ADGRV1: variants seen among roughly 807,000 people sequenced by gnomAD.
ADGRV1 encodes G-protein coupled receptor 98.
A neutral mutation model predicts 596.2 loss-of-function variants in ADGRV1; 359 were observed. The ratio of observed to expected loss-of-function variants is 0.60; its 90% CI spans 0.55 to 0.66. The LOEUF (loss-of-function observed/expected upper bound fraction) is 0.66. Ranked by LOEUF, ADGRV1 falls within the 30% of genes least tolerant of loss-of-function variation. The pLI, the probability that ADGRV1 is intolerant of heterozygous loss-of-function variation, is 0.00. For missense variants in ADGRV1, 7,274 were observed against 7,575.6 expected (o/e 0.96, Z 1.48); for synonymous variants, 2,681 against 2,679.2 (o/e 1.00, Z -0.02).
At chr5:90,837,078 G>A (rs1765029782) in intron 77 of ADGRV1, among the ~76,000 whole-genome samples, 1 of 152,210 alleles carries the variant, frequency 6.6e-6, no homozygotes, top group Admixed American at 6.5e-5. Flanking sequence ...GCATTCCCAT[G>A]TACGTAAGTA....
intron 21 of ADGRV1, among the ~76,000 whole-genome samples, chr5:90,668,948 TAA>T (rs1034509028): frequency 6.6e-5 from 10 of 152,348 alleles, no homozygotes; most frequent in African/African-American, 2.4e-4. Context: ...GATAAAAATT[TAA>T]GTTTGTAAAA....
chr5:90,787,679 G>A (rs1159087713), intron 67 of ADGRV1, among the ~76,000 whole-genome samples: 2 of 143,926 alleles, frequency 1.4e-5, no homozygotes, highest in Admixed American at 7.3e-5. Flanking sequence ...TGCAACCTCC[G>A]CCTCCCAGGT....
intron 83 of ADGRV1, among the ~76,000 whole-genome samples, chr5:90,898,028 T>C (rs997453760): frequency 6.6e-6 from 1 of 152,166 alleles, no homozygotes; most frequent in Admixed American, 6.5e-5. Flanking sequence ...AAAAGTAAGA[T>C]AGAGGTTTTC....
intron 83 of ADGRV1, among the ~76,000 whole-genome samples, chr5:90,892,574 T>C (rs910804347): frequency 6.6e-6 from 1 of 152,106 alleles, no homozygotes; most frequent in African/African-American, 2.4e-5. Flanking sequence ...CATATATGTA[T>C]ATATACATAC....
chr5:90,950,523 T>C (rs1776969979), intron 83 of ADGRV1, among the ~76,000 whole-genome samples: 1 of 152,158 alleles, frequency 6.6e-6, no homozygotes, highest in Non-Finnish European at 1.5e-5. Flanking sequence ...GATTTTGCCC[T>C]GTTGGTCAGG....
At chr5:90,879,096 T>C (rs188250411) in intron 83 of ADGRV1, among the ~76,000 whole-genome samples, 2 of 152,168 alleles carry the variant, frequency 1.3e-5, no homozygotes, top group East Asian at 1.9e-4. Flanking sequence ...GTTCTTCCAG[T>C]CTGCATGCAA....
intron 5 of ADGRV1, among the ~76,000 whole-genome samples, chr5:90,624,716 A>G (rs1764513530): frequency 6.6e-6 from 1 of 152,210 alleles, no homozygotes; most frequent in South Asian, 2.1e-4. Context: ...GAGATGCAGC[A>G]TAGAGTACTC....
intron 45 of ADGRV1, among the ~76,000 whole-genome samples, chr5:90,723,488 A>T (rs1751353958): frequency 6.6e-6 from 1 of 152,192 alleles, no homozygotes; most frequent in Admixed American, 6.5e-5. Flanking sequence ...TACTCATGAG[A>T]GCACATGTCG....
At chr5:90,648,159 T>C (rs1490387269) in intron 17 of ADGRV1, among the ~76,000 whole-genome samples, 2 of 152,176 alleles carry the variant, frequency 1.3e-5, no homozygotes, top group African/African-American at 4.8e-5. Context: ...CACACTTGAT[T>C]GGGAAGCTTA....
rs768262653 is a variant in ADGRV1, at chr5:90,840,878, C to T, written c.16912C>T (p.Pro5638Ser). The change falls in exon 78 of 90, where the codon CCT becomes TCT. Residue 5638 changes from proline to serine, a missense_variant. By Grantham distance (74) the Pro-to-Ser change is moderately conservative. Coordinates refer to ENST00000405460, the MANE Select transcript of ADGRV1 (RefSeq NM_032119.4). ...IWGLADQLHQ[P>S]VNDDILNRVL... ...GGGGCTTGCAGATCAGCTACATCAG[C>T]CTGTGAATGATGATATTCTCAACAG... 1.9e-6 allele frequency: 3 copies of T among 1,605,128 alleles called. No homozygotes were observed. The highest frequency in any genetic ancestry group is 2.6e-6 in the Non-Finnish European group (3 of 1,174,500).
At chr5:90,904,949 G>C (rs1266688862) in intron 83 of ADGRV1, among the ~76,000 whole-genome samples, 1 of 151,730 alleles carries the variant, frequency 6.6e-6, no homozygotes, top group African/African-American at 2.4e-5. Flanking sequence ...TCACTCTTTG[G>C]CATATGGATA....
At chr5:90,759,618 G>C in intron 58 of ADGRV1, 30 bp downstream of exon 58, 1 of 1,586,306 alleles carries the variant, frequency 6.3e-7, no homozygotes, top group African/African-American at 1.3e-5. Flanking sequence ...GGAAAGCCTT[G>C]TTTCAGGCTA....
chr5:90,581,269 G>A lies in ADGRV1; in HGVS notation c.22+22352G>A, dbSNP rs565510124. On this transcript the variant is annotated intron_variant, in intron 1 of 89. Transcript: ENST00000405460. ...AGCCTACTTCTGTCACCTTGTCAAA[G>A]TCATTCTCCGTCCAGCTTTGTTCCG... Among the ~76,000 whole-genome samples the A allele has an allele frequency of 1.3e-4, 20 of 152,284 alleles. No homozygotes were observed. In the South Asian group the frequency reaches 2.5e-3, roughly 19 times the overall value.
At chr5:91,035,844 GTATATATATATATATATTATATATATA>G (rs1208661303) in intron 85 of ADGRV1, among the ~76,000 whole-genome samples, 3 of 34,740 alleles carry the variant, frequency 8.6e-5, no homozygotes, top group South Asian at 3.1e-3. Flanking sequence ...AAATGAGTGT[GTATATATATATATATATTATATATATA>G]TATATATATA....
intron 77 of ADGRV1, among the ~76,000 whole-genome samples, chr5:90,833,641 G>T (rs540294123): frequency 6.6e-6 from 1 of 152,026 alleles, no homozygotes; most frequent in African/African-American, 2.4e-5. Context: ...TTAATTCTCA[G>T]GTATTTTATT....
chr5:90,930,536 C>G (rs1310910669), intron 83 of ADGRV1, among the ~76,000 whole-genome samples: 1 of 152,028 alleles, frequency 6.6e-6, no homozygotes, highest in Non-Finnish European at 1.5e-5. Context: ...GAAACAGTAT[C>G]ATTTTGTGTC....
intron 84 of ADGRV1, among the ~76,000 whole-genome samples, chr5:90,977,535 T>C (rs1282410579): frequency 6.6e-6 from 1 of 152,222 alleles, no homozygotes; most frequent in Non-Finnish European, 1.5e-5. Context: ...TATATTTTAC[T>C]CATATGCTAA....
At chr5:90,812,941 C>G (rs1762564686) in intron 74 of ADGRV1, among the ~76,000 whole-genome samples, 1 of 151,410 alleles carries the variant, frequency 6.6e-6, no homozygotes, top group Non-Finnish European at 1.5e-5. Context: ...ACCATCCTGA[C>G]TAACACGGTG....
At chr5:90,947,369 A>G (rs372952610) in intron 83 of ADGRV1, among the ~76,000 whole-genome samples, 43 of 151,582 alleles carry the variant, frequency 2.8e-4, no homozygotes, top group African/African-American at 1.0e-3. Context: ...TTCCTTGTAT[A>G]TTCTGGATAT....
Sources: allele counts gnomAD v4.1 joint callset (sites outside exome capture counted in the v4.1 genomes callset), GRCh38; gene constraint gnomAD v4.1.1; transcripts MANE v1.5; gene names NCBI Gene and HGNC (gene_info 2026-07-23, HGNC 2026-07-21).